MTCH2: variants seen among roughly 807,000 people sequenced by gnomAD.
The protein encoded by MTCH2 is mitochondrial carrier 2.
In MTCH2, 25 loss-of-function variants were observed where a neutral mutation model predicts 50.6. The observed-to-expected ratio is 0.49, with a 90% CI of 0.36 to 0.69. MTCH2 has a LOEUF of 0.69. Ranked by LOEUF, MTCH2 falls within the 30% of genes least tolerant of loss-of-function variation. The pLI is 0.00. For missense variants in MTCH2, 273 were observed against 384.4 expected (o/e 0.71, Z 2.42); for synonymous variants, 106 against 132.0 (o/e 0.80, Z 1.35).
At chr11:47,633,088 A>G (rs557705563) in intron 5 of MTCH2, among the ~76,000 whole-genome samples, 18 of 147,104 alleles carry the variant, frequency 1.2e-4, no homozygotes, top group Admixed American at 8.4e-4. Flanking sequence ...GAAAATACTA[A>G]TTGCATAGTA....
chr11:47,622,025 G>C (rs1274069432), intron 12 of MTCH2, among the ~76,000 whole-genome samples: 1 of 151,840 alleles, frequency 6.6e-6, no homozygotes, highest in Non-Finnish European at 1.5e-5. Context: ...GCTATGCCTG[G>C]CTAAGTTTTT....
At chr11:47,605,796 A>G in the MTCH2 span, among the ~76,000 whole-genome samples, 3 of 152,348 alleles carry the variant, frequency 2.0e-5, no homozygotes, top group East Asian at 5.8e-4. Flanking sequence ...AAGGAACACT[A>G]TGTATGGCCC....
At chr11:47,631,628 A>G (rs2097303120) in intron 6 of MTCH2, 26 bp downstream of exon 6, 1 of 1,612,766 alleles carries the variant, frequency 6.2e-7, no homozygotes, top group Admixed American at 1.7e-5. Context: ...TATAAAAGAA[A>G]GGTCAGTTGT....
the MTCH2 span, among the ~76,000 whole-genome samples, chr11:47,612,197 T>G: frequency 6.6e-6 from 1 of 152,144 alleles, no homozygotes; most frequent in Non-Finnish European, 1.5e-5. Context: ...GCAGATGGCT[T>G]GAGTCCGGGA....
chr11:47,627,048 C>CT (rs1356123133), intron 10 of MTCH2, 32 bp downstream of exon 10: 1 of 1,518,390 alleles, frequency 6.6e-7, no homozygotes, highest in Non-Finnish European at 9.0e-7. Flanking sequence ...ACAACTATTC[C>CT]TAGAAGGTTA....
the MTCH2 span, among the ~76,000 whole-genome samples, chr11:47,612,295 C>T: frequency 2.6e-5 from 4 of 151,632 alleles, no homozygotes; most frequent in East Asian, 1.9e-4. Flanking sequence ...GGGCCGGGCG[C>T]GGTGGCTCAC....
chr11:47,618,541 T>C lies in MTCH2; in HGVS notation c.*292A>G. On this transcript the variant is annotated 3_prime_UTR_variant, in exon 13 of 13. Transcript: ENST00000302503. The stretch of plus-strand genomic sequence containing the variant: ...CTTAAATTGAGACTCAAAAATCACA[T>C]GACAAAGTGCCTGTAGCTTCAGGAA... 1 of 343,072 alleles carries C rather than the reference T, an allele frequency of 2.9e-6. No homozygotes were observed. Among genetic ancestry groups the C allele is most frequent in the Admixed American group, 4.8e-5 (1 of 20,794 alleles). The allele number at this position is 343,072 out of a possible 1,614,324, so 21.3% of individuals were successfully genotyped here. A position where few individuals can be genotyped will look rare whatever the true frequency, so the allele number is the denominator to read the frequency against.
At chr11:47,621,686 T>C (rs1239942542) in intron 12 of MTCH2, among the ~76,000 whole-genome samples, 3 of 151,810 alleles carry the variant, frequency 2.0e-5, no homozygotes, top group Non-Finnish European at 4.4e-5. Flanking sequence ...CTGCCCGCCT[T>C]GGCCTCCCAA....
At chr11:47,627,732 C>T (rs1193372484) in intron 9 of MTCH2, among the ~76,000 whole-genome samples, 1 of 151,666 alleles carries the variant, frequency 6.6e-6, no homozygotes, top group Non-Finnish European at 1.5e-5. Flanking sequence ...CTCAAGTGAC[C>T]CTCCCACTTC....
the MTCH2 span, among the ~76,000 whole-genome samples, chr11:47,605,211 A>T: frequency 6.6e-6 from 1 of 152,078 alleles, no homozygotes; most frequent in African/African-American, 2.4e-5. Context: ...TACAGGTGTG[A>T]GCCACCGTGC....
At chr11:47,635,350 C>T (rs1043460558) in intron 4 of MTCH2, among the ~76,000 whole-genome samples, 195 bp downstream of exon 4, 16 of 152,196 alleles carry the variant, frequency 1.1e-4, no homozygotes, top group Non-Finnish European at 1.8e-4. Context: ...GCTAGGATTA[C>T]AGGCATGAGC....
At chr11:47,641,620 T>A (rs751106235) in intron 1 of MTCH2, among the ~76,000 whole-genome samples, 7 of 152,228 alleles carry the variant, frequency 4.6e-5, no homozygotes, top group South Asian at 2.1e-4. Context: ...CCTACCTGCA[T>A]GTGAATATAA....
intron 2 of MTCH2, 38 bp from the exon 3 acceptor site, chr11:47,638,843 C>G (rs752590296): frequency 1.9e-6 from 3 of 1,600,416 alleles, no homozygotes; most frequent in Non-Finnish European, 2.6e-6. Flanking sequence ...AAGTTCTGGT[C>G]AAGAGAAATG....
intron 10 of MTCH2, among the ~76,000 whole-genome samples, chr11:47,626,148 G>A (rs1413049907): frequency 6.6e-6 from 1 of 151,968 alleles, no homozygotes; most frequent in African/African-American, 2.4e-5. Flanking sequence ...TGGGGTTCAA[G>A]CGATTCTCCT....
intron 5 of MTCH2, among the ~76,000 whole-genome samples, chr11:47,632,415 G>A (rs910361982): frequency 1.0e-4 from 15 of 150,580 alleles, no homozygotes; most frequent in African/African-American, 3.2e-4. Context: ...GTGCAGTGGC[G>A]CGAACTCGGT....
At chr11:47,638,874 A>T in intron 2 of MTCH2, 69 bp from the exon 3 acceptor site, 3 of 1,577,546 alleles carry the variant, frequency 1.9e-6, no homozygotes, top group Non-Finnish European at 2.6e-6. Flanking sequence ...AATTTCAAAG[A>T]AACAAGCTTT....
intron 7 of MTCH2, 115 bp from the exon 8 acceptor site, chr11:47,630,729 C>T: frequency 1.0e-6 from 1 of 953,286 alleles, no homozygotes; most frequent in Non-Finnish European, 1.6e-6. Context: ...TTCCCTCACA[C>T]TTTTCTAGCA....
At position 47,617,677 on chromosome 11, in the gene MTCH2, T is replaced by C. The variant is rs944126123; in HGVS notation, c.*1156A>G. ...TTTCTCATTTTAGAGCATTTTAACC[T>C]GCTTTTTAGAAGGCCTGAGTAAACA... On this transcript the variant is annotated 3_prime_UTR_variant, in exon 13 of 13. Transcript: ENST00000302503. 5 of 152,612 alleles carry C rather than the reference T, an allele frequency of 3.3e-5. No homozygotes were observed. Among genetic ancestry groups the C allele is most frequent in the African/African-American group, 1.2e-4 (5 of 41,468 alleles). 9.5% of individuals were successfully genotyped at this position (152,612 alleles called of 1,614,324 possible).
intron 1 of MTCH2, among the ~76,000 whole-genome samples, chr11:47,641,442 A>T (rs1390289825): frequency 1.3e-5 from 2 of 152,196 alleles, no homozygotes; most frequent in African/African-American, 4.8e-5. Flanking sequence ...CCTATTTTTT[A>T]CAGAAAAGTA....
Sources: allele counts gnomAD v4.1 joint callset (sites outside exome capture counted in the v4.1 genomes callset), GRCh38; gene constraint gnomAD v4.1.1; transcripts MANE v1.5; gene names NCBI Gene and HGNC (gene_info 2026-07-23, HGNC 2026-07-21).